Variants in MCM4 observed in about 807,000 individuals in gnomAD.
MCM4 encodes minichromosome maintenance complex component 4, also known as DNA replication licensing factor MCM4.
A neutral mutation model predicts 88.7 loss-of-function variants in MCM4; 60 were observed. The observed-to-expected ratio is 0.68, with a 90% CI of 0.55 to 0.84. MCM4 has a LOEUF of 0.84. Among genes scored for constraint, MCM4 ranks in the 40% least tolerant of loss-of-function variants. MCM4 has a pLI of 0.00. For synonymous variants in MCM4, 465 were observed against 410.5 expected (o/e 1.13, Z -1.61); for missense variants, 1,149 against 1,105.5 (o/e 1.04, Z -0.56).
At chr8:47,972,806 C>T in intron 13 of MCM4, 51 bp from the exon 14 acceptor site, 1 of 1,491,208 alleles carries the variant, frequency 6.7e-7, no homozygotes, top group African/African-American at 1.4e-5. Flanking sequence ...ATCCACCTGC[C>T]TCGGCCTCAC....
At chr8:47,962,888 AC>A in intron 6 of MCM4, 29 bp downstream of exon 6, 1 of 1,577,688 alleles carries the variant, frequency 6.3e-7, no homozygotes. Context: ...AATTCAAGTT[AC>A]GTGTTTTAAA....
In MCM4 at chr8:47,966,295, G is replaced by A. The variant is rs763431187; in HGVS notation, c.941G>A (p.Arg314Gln). The stretch of plus-strand genomic sequence containing the variant: ...TGCCAAGTGTGTGCCCACACGACCC[G>A]GGTGGAGATGGACCGCGGCCGCATT... ...FQCQVCAHTT[R>Q]VEMDRGRIAE... Residue 314 changes from arginine to glutamine, a missense_variant, in exon 9 of 17, where the codon CGG becomes CAG. Arg to Gln is a conservative substitution (Grantham distance 43). Around this residue, in one of 3 missense-constraint regions of MCM4, gnomAD observed 906 missense variants for 843.0 expected, o/e 1.07. Transcript: ENST00000649973. 40 of 1,613,888 alleles carry A rather than the reference G, an allele frequency of 2.5e-5. No homozygotes were observed. The highest frequency in any genetic ancestry group is 1.8e-4 in the South Asian group (16 of 91,078).
In MCM4 at chr8:47,972,235, CAAAAAAAAAAAA is replaced by C. The variant is rs779237498; in HGVS notation, c.1929-611_1929-600del. Among the ~76,000 whole-genome samples, 5 of 62,034 alleles carry C rather than the reference CAAAAAAAAAAAA, an allele frequency of 8.1e-5. No homozygotes were observed. The South Asian group carries it at 2.1e-3, about 26-fold the overall frequency. 40.7% of individuals were successfully genotyped at this position (62,034 alleles called of 152,430 possible). ...TGGGCTACAGAGTGAGACTCTGTCTCAAAAAAAAAAAAAAAAAAAAAACTTTCCATCGTCAAA... is the reference window on the plus strand; with the variant it reads ...TGGGCTACAGAGTGAGACTCTGTCTCAAAAAAAAAACTTTCCATCGTCAAA... On this transcript the variant is annotated intron_variant, in intron 13 of 16. Transcript: ENST00000649973.
intron 15 of MCM4, chr8:47,975,501 C>T (rs2154505481): frequency 2.8e-6 from 1 of 353,000 alleles, no homozygotes; most frequent in Non-Finnish European, 5.0e-6. Context: ...TTAGCAGCAG[C>T]TGCTTGCTGC....
chr8:47,967,347 CTGTT>C lies in MCM4; in HGVS notation c.1054-15_1054-12del, dbSNP rs1202113611. On this transcript the variant is annotated splice_polypyrimidine_tract_variant and intron_variant, in intron 9 of 16. Coordinates refer to ENST00000649973, the MANE Select transcript of MCM4 (RefSeq NM_182746.3). ...CCTCTCTTTGTGGCCCACATGTTCT[CTGTT>C]TGCTGACCTTCAGATCAAGCTTCAG... 6.7e-5 allele frequency: 108 copies of C among 1,613,868 alleles called. No homozygotes were observed. The highest frequency in any genetic ancestry group is 1.5e-4 in the Admixed American group (9 of 59,978).
intron 14 of MCM4, chr8:47,973,948 G>C (rs909284579): frequency 6.6e-6 from 1 of 152,144 alleles, no homozygotes; most frequent in Non-Finnish European, 1.5e-5. Context: ...CAAAGACCTG[G>C]TTTCAAATAG....
chr8:47,971,236 A>G, intron 12 of MCM4, 105 bp from the exon 13 acceptor site: 1 of 1,356,818 alleles, frequency 7.4e-7, no homozygotes, highest in Non-Finnish European at 1.0e-6. Flanking sequence ...GGCAATAGAA[A>G]CTCAGTGGAG....
At chr8:47,975,518 G>A in intron 15 of MCM4, 197 bp from the exon 16 acceptor site, 1 of 426,658 alleles carries the variant, frequency 2.3e-6, no homozygotes, top group East Asian at 4.0e-5. Context: ...CTGCACAGAT[G>A]TGTAGACTGT....
intron 8 of MCM4, 86 bp downstream of exon 8, chr8:47,964,798 GA>G: frequency 8.6e-7 from 1 of 1,163,986 alleles, no homozygotes. Context: ...AATTATGAAA[GA>G]AGTAATTGGC....
rs761421529 is a variant in MCM4, at chr8:47,971,403, G to A, written c.1863G>A (p.Glu621=). Residue 621 remains glutamate (E), a synonymous_variant, in exon 13 of 17, where the codon GAG becomes GAA. Transcript: ENST00000649973. ...TCCTGGCAGCAGCAAATCCCATTGA[G>A]TCTCAGTGGAATCCTAAAAAAACAA... ...TSVLAAANPI[E]SQWNPKKTTI... is the part of the protein sequence containing the mutation. 1 of 1,614,116 alleles carries A rather than the reference G, an allele frequency of 6.2e-7. No homozygotes were observed. The highest frequency in any genetic ancestry group is 8.5e-7 in the Non-Finnish European group (1 of 1,179,994).
Position 47,962,201 on chromosome 8 carries a change from T to C in MCM4, c.384T>C (p.Asp128=), listed in dbSNP as rs2090849588. Residue 128 remains aspartate (D), a synonymous_variant, in exon 4 of 17, where the codon GAT becomes GAC. Transcript: ENST00000649973. ...CTGCACAGAAGGGCCTGCAAGTGGA[T>C]CTGCAGTCTGACGGGGTGAGTATGC... ...LGSAQKGLQV[D]LQSDGAAAED... 1 of 1,614,056 alleles carries C rather than the reference T, an allele frequency of 6.2e-7. No individual in the cohort carries two copies. Among genetic ancestry groups the C allele is most frequent in the Non-Finnish European group, 8.5e-7 (1 of 1,180,030 alleles).
chr8:47,970,439 C>T (rs2090942410), intron 11 of MCM4, 72 bp from the exon 12 acceptor site: 1 of 1,499,298 alleles, frequency 6.7e-7, no homozygotes, highest in Admixed American at 2.2e-5. Flanking sequence ...AGAAAAGTAC[C>T]TCTAAAGTTT....
Position 47,970,894 on chromosome 8 carries a change from CCGTGAACATGGA to C in MCM4, c.1800+23_1800+34del. 3 of 1,566,106 alleles carry C rather than the reference CCGTGAACATGGA, an allele frequency of 1.9e-6. No homozygotes were observed. The highest frequency in any genetic ancestry group is 1.8e-5 in the Admixed American group (1 of 55,788). On this transcript the variant is annotated intron_variant, in intron 12 of 16. Coordinates refer to ENST00000649973, the MANE Select transcript of MCM4 (RefSeq NM_182746.3). ...TTGCAAAGGTGAGTCGCCTTCTCCA[CCGTGAACATGGA>C]CGTGTTTAAAATATGTGGACCCTTG...
rs1328119462 is a variant in MCM4 at position 47,969,843 on chromosome 8, A to T, written c.1220A>T (p.Asn407Ile). Residue 407 changes from asparagine (N) to isoleucine (I), a missense_variant, in exon 11 of 17, where the codon AAT becomes ATT. Coordinates refer to ENST00000649973, the MANE Select transcript of MCM4 (RefSeq NM_182746.3). ...ATTCGAGTCAATCCAAGAGTGAGTA[A>T]TGTGAAGTCTGTCTACAAAACCCAC... Reference protein sequence around the residue: ...VPIRVNPRVSNVKSVYKTHID... With the variant: ...VPIRVNPRVSIVKSVYKTHID... The T allele has an allele frequency of 6.2e-7, 1 of 1,614,250 alleles. No individual in the cohort carries two copies. The highest frequency in any genetic ancestry group is 1.7e-5 in the Admixed American group (1 of 60,030).
chr8:47,973,896 C>T (rs2090977961), intron 14 of MCM4: 1 of 152,180 alleles, frequency 6.6e-6, no homozygotes, highest in Non-Finnish European at 1.5e-5. Context: ...AGTACACACA[C>T]TTTATATGTT....
At position 47,962,868 on chromosome 8, in the gene MCM4, A is replaced by T. The variant is rs1040216785; in HGVS notation, c.597+9A>T. The T allele has an allele frequency of 8.8e-6, 14 of 1,588,864 alleles. No individual in the cohort carries two copies. The highest frequency in any genetic ancestry group is 4.1e-5 in the African/African-American group (3 of 73,686). On this transcript the variant is annotated intron_variant, in intron 6 of 16. Transcript: ENST00000649973. ...TGCAACGACTTGGGGAGGTAATCAA[A>T]TACTCTTTAAATTCAAGTTACGTGT...
intron 9 of MCM4, 117 bp downstream of exon 9, chr8:47,966,524 T>C (rs2090900336): frequency 9.5e-7 from 1 of 1,048,042 alleles, no homozygotes; most frequent in East Asian, 2.6e-5. Context: ...TCCATCCCTC[T>C]CTGGTCTTGT....
chr8:47,975,646 T>G, intron 15 of MCM4, 69 bp from the exon 16 acceptor site: 8 of 1,248,718 alleles, frequency 6.4e-6, no homozygotes, highest in Non-Finnish European at 8.7e-6. Flanking sequence ...TAAAGGAATA[T>G]TTTTGAGAAT....
At chr8:47,964,113 C>T (rs1012443665) in intron 7 of MCM4, among the ~76,000 whole-genome samples, 1 of 152,250 alleles carries the variant, frequency 6.6e-6, no homozygotes, top group South Asian at 2.1e-4. Context: ...ATCCCAGCTA[C>T]TCGGGAGGCT....
Sources: gnomAD v4.1 joint callset for allele counts (sites outside exome capture counted in the v4.1 genomes callset) on GRCh38, gnomAD v4.1.1 for gene constraint, gnomAD v4.1.1 regional missense constraint, MANE v1.5 for transcripts, NCBI Gene and HGNC (gene_info 2026-07-23, HGNC 2026-07-21) for gene names.